The following ARL14EPL variants were observed in gnomAD, a reference collection of about 807,000 sequenced individuals.
ARL14EPL encodes ARL14 effector protein-like.
Under a neutral mutation model 15.9 loss-of-function variants are expected in ARL14EPL, and 17 were observed. That is an observed-to-expected ratio of 1.07 (90% CI 0.73 to 1.60). ARL14EPL has a LOEUF of 1.60. ARL14EPL is among the 40% of genes most tolerant of loss of function. The pLI is 0.00. For synonymous variants in ARL14EPL, 78 were observed against 63.8 expected, an observed-to-expected ratio of 1.22 and a Z score of -1.06; for missense variants, 214 against 185.9, an observed-to-expected ratio of 1.15 and a Z score of -0.88.
At chr5:116,053,958 G>A in intron 2 of ARL14EPL, 56 bp from the exon 3 acceptor site, 2 of 1,432,172 alleles carry the variant, frequency 1.4e-6, no homozygotes, top group Non-Finnish European at 9.3e-7. Flanking sequence ...TTGGGGAAAT[G>A]TAAAACAGAT....
chr5:116,038,718 T>G, intron 1 of ARL14EPL, among the ~76,000 whole-genome samples: 2 of 143,534 alleles, frequency 1.4e-5, no homozygotes, highest in African/African-American at 5.0e-5. Context: ...GGAGGGCGGG[T>G]GTGAAAAAGA....
chr5:116,057,301 C>T (rs1408815307), intron 3 of ARL14EPL, among the ~76,000 whole-genome samples: 3 of 152,174 alleles, frequency 2.0e-5, no homozygotes, highest in East Asian at 1.9e-4. Flanking sequence ...GACTTCACTG[C>T]TGTAACACTC....
chr5:116,040,995 T>TAAAAAAAAAAAAAAA (rs1749145719), intron 1 of ARL14EPL, among the ~76,000 whole-genome samples: 1 of 57,366 alleles, frequency 1.7e-5, no homozygotes, highest in African/African-American at 6.4e-5. Context: ...AAAAAAAAAG[T>TAAAAAAAAAAAAAAA]TTTTATGCTG....
chr5:116,037,053 T>G (rs1174187370), intron 1 of ARL14EPL, among the ~76,000 whole-genome samples: 1 of 152,154 alleles, frequency 6.6e-6, no homozygotes, highest in Non-Finnish European at 1.5e-5. Context: ...TAGGGACCTC[T>G]TGGAAGTATT....
intron 1 of ARL14EPL, among the ~76,000 whole-genome samples, chr5:116,042,193 C>T (rs1749173069): frequency 6.6e-6 from 1 of 152,164 alleles, no homozygotes; most frequent in Admixed American, 6.5e-5. Flanking sequence ...CCCGCTCTGC[C>T]CCTCTCAGCT....
chr5:116,032,812 T>C (rs1748982728), intron 1 of ARL14EPL, among the ~76,000 whole-genome samples: 1 of 152,150 alleles, frequency 6.6e-6, no homozygotes, highest in Non-Finnish European at 1.5e-5. Flanking sequence ...TTTTTGTTTT[T>C]TTGAAACAGG....
intron 3 of ARL14EPL, among the ~76,000 whole-genome samples, chr5:116,057,311 C>T (rs981642930): frequency 1.3e-5 from 2 of 151,890 alleles, no homozygotes; most frequent in Non-Finnish European, 2.9e-5. Flanking sequence ...CTGTAACACT[C>T]TTTTGTTAAG....
intron 1 of ARL14EPL, among the ~76,000 whole-genome samples, chr5:116,034,606 A>G (rs370227618): frequency 8.5e-5 from 13 of 152,258 alleles, no homozygotes; most frequent in African/African-American, 2.6e-4. Context: ...CTGCTCAACT[A>G]GAAGTAGTAC....
intron 3 of ARL14EPL, among the ~76,000 whole-genome samples, chr5:116,057,286 A>T (rs1373967982): frequency 6.6e-6 from 1 of 152,290 alleles, no homozygotes; most frequent in South Asian, 2.1e-4. Context: ...GTGGGGATTG[A>T]AGAGGACTTC....
chr5:116,055,298 C>G (rs956740263), intron 3 of ARL14EPL, among the ~76,000 whole-genome samples: 7 of 152,074 alleles, frequency 4.6e-5, no homozygotes, highest in Non-Finnish European at 1.0e-4. Context: ...CATCTTCACT[C>G]CTGAGTATAA....
At chr5:116,043,350 AG>A (rs1197586205) in intron 1 of ARL14EPL, among the ~76,000 whole-genome samples, 1 of 152,082 alleles carries the variant, frequency 6.6e-6, no homozygotes, top group Non-Finnish European at 1.5e-5. Flanking sequence ...CATTTGAAAA[AG>A]CAACCAATTT....
At chr5:116,037,604 T>C (rs1749070689) in intron 1 of ARL14EPL, among the ~76,000 whole-genome samples, 1 of 152,240 alleles carries the variant, frequency 6.6e-6, no homozygotes, top group Non-Finnish European at 1.5e-5. Flanking sequence ...TTAACTGTTT[T>C]AATTCTGGAT....
At chr5:116,054,220 C>A in intron 3 of ARL14EPL, 67 bp downstream of exon 3, 1 of 1,385,944 alleles carries the variant, frequency 7.2e-7, no homozygotes, top group Non-Finnish European at 9.5e-7. Context: ...CTTGACAAAG[C>A]AATGAAAGAT....
At chr5:116,052,731 T>A (rs990529197) in intron 2 of ARL14EPL, among the ~76,000 whole-genome samples, 6 of 152,260 alleles carry the variant, frequency 3.9e-5, no homozygotes, top group African/African-American at 1.4e-4. Flanking sequence ...TATATTATTT[T>A]AGACTTACTA....
chr5:116,057,189 C>T (rs192106146), intron 3 of ARL14EPL, among the ~76,000 whole-genome samples: 67 of 152,196 alleles, frequency 4.4e-4, no homozygotes, highest in Middle Eastern at 3.4e-3. Flanking sequence ...TGATTATCTC[C>T]GTAGATGCAG....
chr5:116,044,426 C>T (rs962002968), intron 1 of ARL14EPL, among the ~76,000 whole-genome samples: 6 of 151,952 alleles, frequency 3.9e-5, no homozygotes, highest in African/African-American at 1.5e-4. Flanking sequence ...CTTGGGAAAA[C>T]AGCTTTTACT....
intron 1 of ARL14EPL, among the ~76,000 whole-genome samples, chr5:116,044,358 G>A (rs1396492): frequency 0.54 from 81,975 of 151,878 alleles, 24,060 homozygotes; most frequent in Non-Finnish European, 0.66. Flanking sequence ...TTAGAGGGTG[G>A]TAATTTAGAG....
intron 1 of ARL14EPL, among the ~76,000 whole-genome samples, chr5:116,040,680 T>C (rs980155124): frequency 2.0e-5 from 3 of 151,640 alleles, no homozygotes; most frequent in Non-Finnish European, 4.4e-5. Context: ...ATTTCACTTA[T>C]ACCACTCTCT....
At chr5:116,048,217 C>T (rs566991693) in intron 1 of ARL14EPL, among the ~76,000 whole-genome samples, 1 of 152,128 alleles carries the variant, frequency 6.6e-6, no homozygotes, top group Non-Finnish European at 1.5e-5. Context: ...CAGGACAAAT[C>T]AGTTTATTAA....
Sources: gnomAD v4.1 joint callset for allele counts (sites outside exome capture counted in the v4.1 genomes callset) on GRCh38, gnomAD v4.1.1 for gene constraint, MANE v1.5 for transcripts, NCBI Gene and HGNC (gene_info 2026-07-23, HGNC 2026-07-21) for gene names.